Variants in GRM7 observed in about 807,000 individuals in gnomAD.
GRM7 encodes glutamate metabotropic receptor 7, also known as metabotropic glutamate receptor 7.
GRM7 carries 35 observed loss-of-function variants against 84.5 expected under a neutral mutation model. That is an observed-to-expected ratio of 0.41 (90% CI 0.32 to 0.55). The LOEUF (loss-of-function observed/expected upper bound fraction) is 0.55, where lower values mean the gene tolerates loss of function less well. GRM7 is among the 20% of genes least tolerant of loss of function. GRM7 has a pLI of 0.19. For missense variants in GRM7, 1,003 were observed against 1,194.6 expected (o/e 0.84, Z 2.36); for synonymous variants, 487 against 455.1 (o/e 1.07, Z -0.89).
At chr3:7,255,779 T>A (rs1255321508) in intron 2 of GRM7, among the ~76,000 whole-genome samples, 1 of 152,174 alleles carries the variant, frequency 6.6e-6, no homozygotes, top group Non-Finnish European at 1.5e-5. Flanking sequence ...TCTATCTGGA[T>A]TCCACAAAGC....
At chr3:7,402,890 C>A (rs1695512311) in intron 4 of GRM7, among the ~76,000 whole-genome samples, 1 of 151,154 alleles carries the variant, frequency 6.6e-6, no homozygotes, top group African/African-American at 2.4e-5. Context: ...TTCTTTTCCC[C>A]TCAATCATTA....
intron 7 of GRM7, among the ~76,000 whole-genome samples, chr3:7,523,156 C>A (rs1464471137): frequency 6.6e-6 from 1 of 152,144 alleles, no homozygotes; most frequent in Non-Finnish European, 1.5e-5. Context: ...ATTCACGTTT[C>A]TTTTCCTTTT....
At position 7,326,504 on chromosome 3, in the gene GRM7, G is replaced by A. The variant is rs543635189; in HGVS notation, c.1033+19852G>A. ...AATGGGGTTTAATTAAGCACCCTAC[G>A]TATCAAGAGAAAGGAAAAGATATTG... On this transcript the variant is annotated intron_variant, in intron 4 of 9. Transcript: ENST00000357716. Among the ~76,000 whole-genome samples, 351 of 152,160 alleles carry A rather than the reference G, an allele frequency of 2.3e-3. 1 individual carries two copies. The Middle Eastern group carries it at 0.031, about 13-fold the overall frequency.
At chr3:7,390,853 A>G (rs1273334784) in intron 4 of GRM7, among the ~76,000 whole-genome samples, 1 of 151,818 alleles carries the variant, frequency 6.6e-6, no homozygotes, top group African/African-American at 2.4e-5. Flanking sequence ...CATTCCAGAC[A>G]TTTTATTCTG....
At chr3:6,978,842 C>T (rs1694093790) in intron 1 of GRM7, among the ~76,000 whole-genome samples, 1 of 152,146 alleles carries the variant, frequency 6.6e-6, no homozygotes, top group South Asian at 2.1e-4. Context: ...AGAAGGCAGA[C>T]TTCCAAATAC....
intron 1 of GRM7, among the ~76,000 whole-genome samples, chr3:7,027,425 T>C (rs766875817): frequency 6.6e-6 from 1 of 152,248 alleles, no homozygotes; most frequent in Non-Finnish European, 1.5e-5. Context: ...TTAGGAAATA[T>C]GTTCTTCAGT....
At chr3:7,414,071 A>G (rs1451766701) in intron 4 of GRM7, among the ~76,000 whole-genome samples, 1 of 152,166 alleles carries the variant, frequency 6.6e-6, no homozygotes, top group Admixed American at 6.5e-5. Context: ...CCTTTGGTTG[A>G]TGTGACATTT....
At chr3:7,699,475 A>T (rs904017260) in intron 9 of GRM7, among the ~76,000 whole-genome samples, 2 of 152,230 alleles carry the variant, frequency 1.3e-5, no homozygotes, top group East Asian at 3.8e-4. Flanking sequence ...ATTCTATAAC[A>T]AACAAGTTAC....
chr3:7,662,092 C>A, intron 8 of GRM7, among the ~76,000 whole-genome samples: 1 of 152,060 alleles, frequency 6.6e-6, no homozygotes, highest in Non-Finnish European at 1.5e-5. Context: ...AATATTGATA[C>A]ATGCAATAAT....
intron 7 of GRM7, among the ~76,000 whole-genome samples, chr3:7,526,159 C>G (rs903982430): frequency 2.0e-5 from 3 of 152,154 alleles, no homozygotes; most frequent in Non-Finnish European, 4.4e-5. Flanking sequence ...ATCATGCCAA[C>G]AGTGTATAAG....
At chr3:6,924,362 G>T (rs1697227445) in intron 1 of GRM7, among the ~76,000 whole-genome samples, 1 of 152,164 alleles carries the variant, frequency 6.6e-6, no homozygotes. Flanking sequence ...TCAGGAGACA[G>T]ATGATGTATA....
At chr3:6,911,419 C>G (rs530336372) in intron 1 of GRM7, among the ~76,000 whole-genome samples, 1 of 152,230 alleles carries the variant, frequency 6.6e-6, no homozygotes, top group Non-Finnish European at 1.5e-5. Context: ...GTTCCTTCAT[C>G]CAACCAGTTT....
intron 7 of GRM7, among the ~76,000 whole-genome samples, chr3:7,539,002 A>G (rs1286035238): frequency 2.6e-5 from 4 of 152,116 alleles, no homozygotes; most frequent in Non-Finnish European, 5.9e-5. Flanking sequence ...CCCCACACCA[A>G]AATTAACTGT....
intron 4 of GRM7, among the ~76,000 whole-genome samples, chr3:7,365,581 A>T (rs1028620961): frequency 3.1e-4 from 46 of 150,154 alleles, no homozygotes; most frequent in African/African-American, 1.0e-3. Context: ...AATCAACTTT[A>T]TAAAAATCTG....
At chr3:7,526,755 T>A in intron 7 of GRM7, among the ~76,000 whole-genome samples, 1 of 152,160 alleles carries the variant, frequency 6.6e-6, no homozygotes, top group African/African-American at 2.4e-5. Flanking sequence ...GTTAGGTAAT[T>A]TTCTCAGCAC....
At chr3:7,393,449 T>A (rs1338334875) in intron 4 of GRM7, among the ~76,000 whole-genome samples, 1 of 152,188 alleles carries the variant, frequency 6.6e-6, no homozygotes, top group Non-Finnish European at 1.5e-5. Context: ...TCTCACTGTT[T>A]CCCTGTGTCC....
intron 4 of GRM7, among the ~76,000 whole-genome samples, chr3:7,366,670 T>C (rs1693905861): frequency 6.6e-6 from 1 of 151,898 alleles, no homozygotes; most frequent in South Asian, 2.1e-4. Context: ...GTGTCACTTA[T>C]ATACCATTTG....
chr3:7,735,089 T>C (rs551485192), intron 9 of GRM7, among the ~76,000 whole-genome samples: 10 of 152,262 alleles, frequency 6.6e-5, no homozygotes, highest in Non-Finnish European at 1.2e-4. Flanking sequence ...CTGCAAACCA[T>C]AATATAAAGA....
At chr3:7,734,464 T>C (rs552889881) in intron 9 of GRM7, among the ~76,000 whole-genome samples, 16 of 152,232 alleles carry the variant, frequency 1.1e-4, no homozygotes, top group Non-Finnish European at 2.2e-4. Context: ...AATGTTAGCA[T>C]GTAGTAAAGT....
Sources: gnomAD v4.1 joint callset for allele counts (sites outside exome capture counted in the v4.1 genomes callset) on GRCh38, gnomAD v4.1.1 for gene constraint, MANE v1.5 for transcripts, NCBI Gene and HGNC (gene_info 2026-07-23, HGNC 2026-07-21) for gene names.